Variants in RFC1 observed in about 807,000 individuals in gnomAD.
The protein encoded by RFC1 is A1 140 kDa subunit.
RFC1 carries 37 observed loss-of-function variants against 137.4 expected under a neutral mutation model. That is an observed-to-expected ratio of 0.27 (90% CI 0.21 to 0.35). The LOEUF is 0.35. RFC1 is among the 10% of genes least tolerant of loss of function. The pLI, the probability that RFC1 is intolerant of heterozygous loss-of-function variation, is 1.00. For missense variants in RFC1, 1,205 were observed against 1,358.5 expected, an observed-to-expected ratio of 0.89 and a Z score of 1.78; for synonymous variants, 429 against 455.7, an observed-to-expected ratio of 0.94 and a Z score of 0.75.
Position 39,304,863 on chromosome 4 carries a change from C to A in RFC1, c.2061G>T (p.Ala687=). The part of the protein sequence containing the change: ...SDTRSKSSLK[A]IVAESLNNTS... ...TATTGTTCAGTGACTCAGCAACAAT[C>A]GCCTTCAAACTGCTCTTACTCCGGG... Residue 687 remains alanine (A), a synonymous_variant, in exon 15 of 25, where the codon GCG becomes GCT. Transcript: ENST00000349703. The A allele has an allele frequency of 3.1e-6, 5 of 1,613,678 alleles. No homozygotes were observed. The highest frequency in any genetic ancestry group is 4.2e-6 in the Non-Finnish European group (5 of 1,179,602).
intron 1 of RFC1, among the ~76,000 whole-genome samples, chr4:39,354,669 G>C (rs931432397): frequency 6.9e-6 from 1 of 145,424 alleles, no homozygotes; most frequent in Non-Finnish European, 1.5e-5. Context: ...TACAGTCCCA[G>C]GTACCAGACA....
chr4:39,303,189 CAAAAT>C, intron 15 of RFC1, 38 bp from the exon 16 acceptor site: 1 of 1,371,282 alleles, frequency 7.3e-7, no homozygotes. Context: ...GAGACAAAAA[CAAAAT>C]AACAATTGCT....
chr4:39,337,272 G>T (rs1046190698), intron 4 of RFC1, among the ~76,000 whole-genome samples: 3 of 152,048 alleles, frequency 2.0e-5, no homozygotes, highest in Non-Finnish European at 4.4e-5. Flanking sequence ...TACTCAGAAG[G>T]CTGAGGCAGG....
At chr4:39,364,268 A>G (rs948713891) in intron 1 of RFC1, among the ~76,000 whole-genome samples, 2 of 36,206 alleles carry the variant, frequency 5.5e-5, no homozygotes, top group African/African-American at 2.0e-4. Flanking sequence ...GTCTGAGGGA[A>G]AAAAAAAAAA....
At chr4:39,340,169 G>C (rs1463474117) in intron 4 of RFC1, among the ~76,000 whole-genome samples, 1 of 152,176 alleles carries the variant, frequency 6.6e-6, no homozygotes, top group Non-Finnish European at 1.5e-5. Flanking sequence ...CTTTTAAACA[G>C]TATACATGCT....
At chr4:39,299,999 T>C in intron 21 of RFC1, 22 bp downstream of exon 21, 1 of 1,403,840 alleles carries the variant, frequency 7.1e-7, no homozygotes, top group Non-Finnish European at 1.0e-6. Flanking sequence ...AGCCTGCATG[T>C]TAGGGAGAGC....
intron 12 of RFC1, among the ~76,000 whole-genome samples, chr4:39,309,248 A>G (rs911390601): frequency 6.6e-6 from 1 of 152,202 alleles, no homozygotes; most frequent in Non-Finnish European, 1.5e-5. Flanking sequence ...TGCAATTTCT[A>G]AAAGTGACAA....
At chr4:39,343,071 G>A (rs1035096913) in intron 3 of RFC1, among the ~76,000 whole-genome samples, 6 of 151,920 alleles carry the variant, frequency 3.9e-5, no homozygotes, top group African/African-American at 1.2e-4. Context: ...GCTCTGTTGT[G>A]GAGTGCAGTG....
At chr4:39,359,482 T>A (rs1031105952) in intron 1 of RFC1, among the ~76,000 whole-genome samples, 3 of 152,204 alleles carry the variant, frequency 2.0e-5, no homozygotes, top group Non-Finnish European at 4.4e-5. Context: ...AAACATTGTA[T>A]ATTCTCACTC....
chr4:39,290,177 T>C, intron 23 of RFC1, 138 bp from the exon 24 acceptor site: 1 of 557,464 alleles, frequency 1.8e-6, no homozygotes, highest in East Asian at 2.9e-5. Flanking sequence ...TAAATCTAAG[T>C]ACGTGCATTT....
At chr4:39,294,364 T>C (rs1159301602) in intron 22 of RFC1, among the ~76,000 whole-genome samples, 2 of 152,202 alleles carry the variant, frequency 1.3e-5, no homozygotes, top group Non-Finnish European at 2.9e-5. Flanking sequence ...ATCACTCAAG[T>C]AGTTCATGGT....
At chr4:39,342,639 T>C (rs1173223879) in intron 3 of RFC1, among the ~76,000 whole-genome samples, 172 bp from the exon 4 acceptor site, 2 of 152,236 alleles carry the variant, frequency 1.3e-5, no homozygotes, top group Non-Finnish European at 2.9e-5. Context: ...ATTAGTTTCC[T>C]ATTCCAGCTA....
intron 12 of RFC1, among the ~76,000 whole-genome samples, chr4:39,309,671 T>A (rs905051460): frequency 2.6e-5 from 4 of 152,154 alleles, no homozygotes; most frequent in African/African-American, 7.2e-5. Flanking sequence ...ACGGGGTGGA[T>A]AGAATGAGTG....
intron 2 of RFC1, among the ~76,000 whole-genome samples, chr4:39,347,686 A>T (rs796092517): frequency 8.5e-5 from 13 of 152,236 alleles, no homozygotes; most frequent in African/African-American, 3.1e-4. Context: ...TATGAACGTT[A>T]AATGTAATAA....
In RFC1 at chr4:39,327,692, T is replaced by C. The variant is rs150543855; in HGVS notation, c.396A>G (p.Thr132=). The C allele has an allele frequency of 9.9e-6, 16 of 1,613,464 alleles. No individual in the cohort carries two copies. In the African/African-American group the frequency reaches 2.0e-4, roughly 20 times the overall value. Residue 132 remains threonine (T), a synonymous_variant, in exon 5 of 25, where the codon ACA becomes ACG. Transcript: ENST00000349703. ...TGTTTGATGTTCCAAGATGACTATT[T>C]GTAGATCTTCCATTCTCTTTTGATT... ...ASKSKENGRS[T]NSHLGTSNMK...
chr4:39,308,596 A>ATG, intron 13 of RFC1, 40 bp downstream of exon 13: 1 of 1,582,048 alleles, frequency 6.3e-7, no homozygotes, highest in Non-Finnish European at 8.6e-7. Context: ...TCACATGTTG[A>ATG]TATACACACA....
At chr4:39,343,712 T>C (rs188565503) in intron 3 of RFC1, among the ~76,000 whole-genome samples, 103 of 152,282 alleles carry the variant, frequency 6.8e-4, no homozygotes, top group African/African-American at 2.2e-3. Flanking sequence ...TATAGAGCAA[T>C]AAAAGGCACA....
intron 21 of RFC1, among the ~76,000 whole-genome samples, 158 bp downstream of exon 21, chr4:39,299,863 C>T (rs930797201): frequency 6.6e-6 from 1 of 151,794 alleles, no homozygotes; most frequent in African/African-American, 2.4e-5. Context: ...TCCAGTGAGC[C>T]GAGATCATAC....
chr4:39,358,726 C>G (rs1329655850), intron 1 of RFC1, among the ~76,000 whole-genome samples: 1 of 152,128 alleles, frequency 6.6e-6, no homozygotes, highest in African/African-American at 2.4e-5. Context: ...ACATATTTTC[C>G]ACGGAAATAC....
Sources: gnomAD v4.1 joint callset for allele counts (sites outside exome capture counted in the v4.1 genomes callset) on GRCh38, gnomAD v4.1.1 for gene constraint, MANE v1.5 for transcripts, NCBI Gene and HGNC (gene_info 2026-07-23, HGNC 2026-07-21) for gene names.